Variants in ACBD7 observed in about 807,000 individuals in gnomAD.
ACBD7 encodes acyl-CoA binding domain containing 7.
A neutral mutation model predicts 13.7 loss-of-function variants in ACBD7; 11 were observed. The ratio of observed to expected loss-of-function variants is 0.80; its 90% CI spans 0.50 to 1.33. The LOEUF (loss-of-function observed/expected upper bound fraction) is 1.33, where lower values mean the gene tolerates loss of function less well. ACBD7 is among the 40% of genes most tolerant of loss of function. The pLI, the probability that ACBD7 is intolerant of heterozygous loss-of-function variation, is 0.00. For synonymous variants in ACBD7, 43 were observed against 37.7 expected, an observed-to-expected ratio of 1.14 and a Z score of -0.51; for missense variants, 111 against 103.0, an observed-to-expected ratio of 1.08 and a Z score of -0.33.
rs200704311 is a variant in ACBD7, at chr10:15,078,538, C to T, written c.259G>A (p.Gly87Arg). ...TCCTCATATGCTGTATTCTAAATTC[C>T]GTATTTTTCTATCAGCTCCTTTGCT... ...SKAKELIEKY[G>R]I The change falls in exon 4 of 4, where the codon GGA becomes AGA. Residue 87 changes from glycine to arginine, a missense_variant. Transcript: ENST00000356189. 5.2e-5 allele frequency: 84 copies of T among 1,613,958 alleles called. No individual in the cohort carries two copies. The highest frequency in any genetic ancestry group is 6.7e-5 in the East Asian group (3 of 44,892).
At position 15,088,741 on chromosome 10, in the gene ACBD7, C is replaced by T; in HGVS notation, c.-13G>A. 1 of 1,598,342 alleles carries T rather than the reference C, an allele frequency of 6.3e-7. No individual in the cohort carries two copies. Among genetic ancestry groups the T allele is most frequent in the African/African-American group, 1.4e-5 (1 of 72,816 alleles). On this transcript the variant is annotated 5_prime_UTR_variant, in exon 1 of 4. Transcript: ENST00000356189. ...CCTGCAGGGCCATGGTGGCGGCTGC[C>T]GCGTTGTTGCTGCTGCTGTTGTCGT...
intron 1 of ACBD7, among the ~76,000 whole-genome samples, chr10:15,086,804 A>G (rs555338133): frequency 5.3e-5 from 8 of 152,310 alleles, no homozygotes; most frequent in Non-Finnish European, 1.0e-4. Context: ...ACCTGAGGTC[A>G]GGAGTTTGAG....
Position 15,076,847 on chromosome 10 carries a change from T to A in ACBD7, c.*1683A>T. ...ACCTGTTTTTATTTCACCAGTAACA[T>A]TAACTTATTGTAACAGAACAGATGA... On this transcript the variant is annotated 3_prime_UTR_variant, in exon 4 of 4. Transcript: ENST00000356189. 1 of 985,392 alleles carries A rather than the reference T, an allele frequency of 1.0e-6. No individual in the cohort carries two copies. Among genetic ancestry groups the A allele is most frequent in the Non-Finnish European group, 1.2e-6 (1 of 829,932 alleles). The allele number at this position is 985,392 out of a possible 1,614,324, so 61.0% of individuals were successfully genotyped here. A position where few individuals can be genotyped will look rare whatever the true frequency, so the allele number is the denominator to read the frequency against.
rs774032600 is a variant in ACBD7 at position 15,078,753 on chromosome 10, G to A, written c.131C>T (p.Ala44Val). Residue 44 changes from alanine to valine, a missense_variant and splice_region_variant, in exon 3 of 4, where the codon GCG becomes GTG. By Grantham distance (64) the Ala-to-Val change is moderately conservative (BLOSUM62 0). Coordinates refer to ENST00000356189, the MANE Select transcript of ACBD7 (RefSeq NM_001039844.3). ...TTTTAAATCTAGCATTCCTGGACAC[G>A]CTGGCAAAAGAAGGAGACATGCATT... Reference protein sequence around the residue: ...KQAIVGDINIACPGMLDLKGK... With the variant: ...KQAIVGDINIVCPGMLDLKGK... 13 of 1,613,554 alleles carry A rather than the reference G, an allele frequency of 8.1e-6. No homozygotes were observed. Among genetic ancestry groups the A allele is most frequent in the South Asian group, 1.1e-5 (1 of 90,990 alleles).
At chr10:15,079,152 G>T (rs539058526) in intron 1 of ACBD7, 112 bp from the exon 2 acceptor site, 115 of 548,246 alleles carry the variant, frequency 2.1e-4, no homozygotes, top group African/African-American at 2.0e-3. Flanking sequence ...TGCTGCTCTG[G>T]TTCTATCAGA....
Position 15,076,865 on chromosome 10 carries a change from AC to A in ACBD7, c.*1664del. ...AGTAACATTAACTTATTGTAACAGA[AC>A]AGATGAGCCAAAAGAACAAACAGCT... is the stretch of plus-strand genomic sequence containing the variant. On this transcript the variant is annotated 3_prime_UTR_variant, in exon 4 of 4. Coordinates refer to ENST00000356189, the MANE Select transcript of ACBD7 (RefSeq NM_001039844.3). The A allele has an allele frequency of 1.0e-6, 1 of 985,416 alleles. No homozygotes were observed. Among genetic ancestry groups the A allele is most frequent in the Non-Finnish European group, 1.2e-6 (1 of 829,932 alleles). The allele number at this position is 985,416 out of a possible 1,614,324, so 61.0% of individuals were successfully genotyped here.
At chr10:15,088,437 G>C in intron 1 of ACBD7, 1 of 509,502 alleles carries the variant, frequency 2.0e-6, no homozygotes, top group South Asian at 2.6e-5. Context: ...CGGAGACGGA[G>C]AGGAGGAGGC....
At position 15,077,306 on chromosome 10, in the gene ACBD7, G is replaced by A. The variant is rs530123235; in HGVS notation, c.*1224C>T. Among the ~76,000 whole-genome samples, 3 of 152,062 alleles carry A rather than the reference G, an allele frequency of 2.0e-5. No homozygotes were observed. Among genetic ancestry groups the A allele is most frequent in the African/African-American group, 4.8e-5 (2 of 41,486 alleles). On this transcript the variant is annotated 3_prime_UTR_variant, in exon 4 of 4. Coordinates refer to ENST00000356189, the MANE Select transcript of ACBD7 (RefSeq NM_001039844.3). ...TTGCAGCAACGTGGGTGGAACTGGA[G>A]GCTATTATCTTAAGTGAAACAACTC...
At chr10:15,088,589 GA>G in intron 1 of ACBD7, 127 bp downstream of exon 1, 2 of 1,279,846 alleles carry the variant, frequency 1.6e-6, no homozygotes, top group Non-Finnish European at 1.1e-6. Flanking sequence ...GGGCGCTGGG[GA>G]AGGAGTGGGC....
In ACBD7 at chr10:15,088,571, GC is replaced by G. The variant is rs1466519491; in HGVS notation, c.12+145del. ...AGCAGGCACAGGTGCGGTCTACACT[GC>G]CATCTGGGGCGCTGGGGAAGGAGTG... On this transcript the variant is annotated intron_variant, in intron 1 of 3. Coordinates refer to ENST00000356189, the MANE Select transcript of ACBD7 (RefSeq NM_001039844.3). The G allele has an allele frequency of 2.6e-6, 3 of 1,152,712 alleles. No individual in the cohort carries two copies. The African/African-American group carries it at 4.9e-5, about 19-fold the overall frequency. 71.4% of individuals were successfully genotyped at this position (1,152,712 alleles called of 1,614,324 possible).
Position 15,076,390 on chromosome 10 carries a change from C to T in ACBD7, c.*2140G>A, listed in dbSNP as rs1028692546. 4 of 984,806 alleles carry T rather than the reference C, an allele frequency of 4.1e-6. No homozygotes were observed. Among genetic ancestry groups the T allele is most frequent in the South Asian group, 4.7e-5 (1 of 21,282 alleles). 61.0% of individuals were successfully genotyped at this position (984,806 alleles called of 1,614,324 possible). A position where few individuals can be genotyped will look rare whatever the true frequency, so the allele number is the denominator to read the frequency against. On this transcript the variant is annotated 3_prime_UTR_variant, in exon 4 of 4. Coordinates refer to ENST00000356189, the MANE Select transcript of ACBD7 (RefSeq NM_001039844.3). ...TAGTGGTACAGTTTATCACTAGATA[C>T]ATTTTAGTTTGCCTTTTTGTCTTAA...
chr10:15,084,279 G>C lies in ACBD7; in HGVS notation c.12+4438C>G, dbSNP rs565851558. Among the ~76,000 whole-genome samples, 4 of 152,302 alleles carry C rather than the reference G, an allele frequency of 2.6e-5. No homozygotes were observed. In the East Asian group the frequency reaches 7.7e-4, roughly 29 times the overall value. Reference sequence around the variant, plus strand: ...CTCACGGACTGCTGGTGGGTGGCGTGAGCCTGGTCTGAGTCTATTAAGTAC... The same window carrying C: ...CTCACGGACTGCTGGTGGGTGGCGTCAGCCTGGTCTGAGTCTATTAAGTAC... On this transcript the variant is annotated intron_variant, in intron 1 of 3. Transcript: ENST00000356189.
chr10:15,086,234 G>A (rs71485546), intron 1 of ACBD7, among the ~76,000 whole-genome samples: 1 of 151,940 alleles, frequency 6.6e-6, no homozygotes, highest in Non-Finnish European at 1.5e-5. Flanking sequence ...TTGAATCTGG[G>A]AGGTGGAGGT....
intron 1 of ACBD7, among the ~76,000 whole-genome samples, chr10:15,080,512 G>A (rs1050323536): frequency 2.6e-5 from 4 of 151,870 alleles, no homozygotes; most frequent in South Asian, 2.1e-4. Flanking sequence ...CCTGGGAGGC[G>A]GAGGTTGCAG....
rs12264411 is a variant in ACBD7 at position 15,080,432 on chromosome 10, T to C, written c.13-1392A>G. Among the ~76,000 whole-genome samples, 1,399 of 152,102 alleles carry C rather than the reference T, an allele frequency of 9.2e-3. 31 individuals are homozygous for C. Among genetic ancestry groups the C allele is most frequent in the African/African-American group, 0.032 (1,312 of 41,484 alleles). On this transcript the variant is annotated intron_variant, in intron 1 of 3. Coordinates refer to ENST00000356189, the MANE Select transcript of ACBD7 (RefSeq NM_001039844.3). ...CTGTCTCTACTAAAAATACAAAAAT[T>C]AGCTGGGCTTGGTGGTGCGTGCCTG...
chr10:15,088,764 C>T lies in ACBD7; in HGVS notation c.-36G>A, dbSNP rs1327484513. 1 of 1,598,784 alleles carries T rather than the reference C, an allele frequency of 6.3e-7. No homozygotes were observed. The highest frequency in any genetic ancestry group is 1.7e-5 in the Admixed American group (1 of 59,150). On this transcript the variant is annotated 5_prime_UTR_variant, in exon 1 of 4. Coordinates refer to ENST00000356189, the MANE Select transcript of ACBD7 (RefSeq NM_001039844.3). ...GCCGCGTTGTTGCTGCTGCTGTTGT[C>T]GTCCGGTGCTCTGCCCCCTCTCGCA...
intron 1 of ACBD7, among the ~76,000 whole-genome samples, chr10:15,083,455 C>G (rs929638009): frequency 6.6e-6 from 1 of 152,176 alleles, no homozygotes; most frequent in Non-Finnish European, 1.5e-5. Flanking sequence ...ATATCAGCCT[C>G]TTTTTGTGCT....
intron 1 of ACBD7, among the ~76,000 whole-genome samples, chr10:15,084,152 C>T (rs1461959927): frequency 6.6e-6 from 1 of 152,214 alleles, no homozygotes; most frequent in African/African-American, 2.4e-5. Context: ...GTGGACAGAA[C>T]TTACTAGAGC....
chr10:15,076,975 A>G lies in ACBD7; in HGVS notation c.*1555T>C. On this transcript the variant is annotated 3_prime_UTR_variant, in exon 4 of 4. Coordinates refer to ENST00000356189, the MANE Select transcript of ACBD7 (RefSeq NM_001039844.3). ...GATGTGGAGAAAAGGGAATGCTTAT[A>G]CACTATTGGTGGGAATGTAAATTAG... is the stretch of plus-strand genomic sequence containing the variant. 2.1e-6 allele frequency: 2 copies of G among 964,098 alleles called. No individual in the cohort carries two copies. The highest frequency in any genetic ancestry group is 2.5e-6 in the Non-Finnish European group (2 of 810,512). 59.7% of individuals were successfully genotyped at this position (964,098 alleles called of 1,614,324 possible).
Sources: gnomAD v4.1 joint callset for allele counts (sites outside exome capture counted in the v4.1 genomes callset) on GRCh38, gnomAD v4.1.1 for gene constraint, MANE v1.5 for transcripts, NCBI Gene and HGNC (gene_info 2026-07-23, HGNC 2026-07-21) for gene names.